Variants in MDGA2 observed in about 807,000 individuals in gnomAD.
The protein encoded by MDGA2 is MAM domain containing glycosylphosphatidylinositol anchor 2, also known as MAM domain-containing glycosylphosphatidylinositol anchor protein 2.
MDGA2 carries 40 observed loss-of-function variants against 117.8 expected under a neutral mutation model. The observed-to-expected ratio is 0.34, with a 90% confidence interval of 0.26 to 0.44. The LOEUF is 0.44. Ranked by LOEUF, MDGA2 falls within the 20% of genes least tolerant of loss-of-function variation. The pLI is 1.00. For synonymous variants in MDGA2, 452 were observed against 439.0 expected, an observed-to-expected ratio of 1.03 and a Z score of -0.37; for missense variants, 1,123 against 1,250.6, an observed-to-expected ratio of 0.90 and a Z score of 1.54.
intron 7 of MDGA2, among the ~76,000 whole-genome samples, chr14:47,053,839 A>G (rs111759556): frequency 8.2e-4 from 124 of 151,920 alleles, no homozygotes; most frequent in African/African-American, 3.0e-3. Context: ...TTCTCTCTGC[A>G]GTTCAGTAGC....
At chr14:47,349,537 A>G (rs1307063863) in intron 1 of MDGA2, among the ~76,000 whole-genome samples, 1 of 152,226 alleles carries the variant, frequency 6.6e-6, no homozygotes, top group African/African-American at 2.4e-5. Flanking sequence ...TTTCAAAGCA[A>G]CTATACTATC....
At chr14:47,302,297 C>A (rs937799512) in intron 1 of MDGA2, among the ~76,000 whole-genome samples, 1 of 152,168 alleles carries the variant, frequency 6.6e-6, no homozygotes, top group Non-Finnish European at 1.5e-5. Flanking sequence ...TACATGGAAA[C>A]TTTCTGTGAG....
chr14:46,888,055 T>C (rs1882737485), intron 10 of MDGA2, among the ~76,000 whole-genome samples: 5 of 151,916 alleles, frequency 3.3e-5, no homozygotes, highest in Admixed American at 3.3e-4. Context: ...TTGATGTTGT[T>C]ACTTATTACA....
chr14:47,195,295 A>G (rs1885249425), intron 3 of MDGA2, among the ~76,000 whole-genome samples: 2 of 152,192 alleles, frequency 1.3e-5, no homozygotes, highest in East Asian at 1.9e-4. Context: ...CAACAAAATT[A>G]TTAATAATAT....
intron 6 of MDGA2, among the ~76,000 whole-genome samples, chr14:47,062,013 C>T (rs1178694138): frequency 6.6e-6 from 1 of 151,938 alleles, no homozygotes; most frequent in East Asian, 1.9e-4. Context: ...CCAAACAACT[C>T]AAATATTACA....
chr14:47,665,686 G>GA (rs1897934672), intron 1 of MDGA2, among the ~76,000 whole-genome samples: 1 of 143,806 alleles, frequency 7.0e-6, no homozygotes, highest in Non-Finnish European at 1.6e-5. Context: ...CAGCAGCTGT[G>GA]GAGGGTGTGC....
chr14:46,946,465 T>C (rs1885175285), intron 9 of MDGA2, among the ~76,000 whole-genome samples: 2 of 152,092 alleles, frequency 1.3e-5, no homozygotes, highest in African/African-American at 2.4e-5. Context: ...TGAACTGATA[T>C]TGCACTTGAG....
At chr14:47,304,907 T>C (rs1889393933) in intron 1 of MDGA2, among the ~76,000 whole-genome samples, 1 of 152,196 alleles carries the variant, frequency 6.6e-6, no homozygotes, top group African/African-American at 2.4e-5. Context: ...CCCATGTTCC[T>C]GATACCTTCT....
intron 3 of MDGA2, among the ~76,000 whole-genome samples, chr14:47,179,443 G>T (rs1017504171): frequency 1.3e-5 from 2 of 151,412 alleles, no homozygotes; most frequent in African/African-American, 2.4e-5. Context: ...TTGTATTATT[G>T]CAAGTAAACT....
chr14:47,308,099 T>G (rs941634200), intron 1 of MDGA2, among the ~76,000 whole-genome samples: 22 of 152,218 alleles, frequency 1.4e-4, no homozygotes, highest in African/African-American at 5.1e-4. Context: ...GGTCATTGCC[T>G]TTGGGAATTA....
rs185479152 is a variant in MDGA2, at chr14:46,938,336, C to A, written c.2090-18176G>T. 1.2e-3 allele frequency among the ~76,000 whole-genome samples: 180 copies of A among 151,586 alleles called. 2 individuals are homozygous for A. Among genetic ancestry groups the A allele is most frequent in the African/African-American group, 4.2e-3 (173 of 41,368 alleles). On this transcript the variant is annotated intron_variant, in intron 9 of 16. Coordinates refer to ENST00000399232, the MANE Select transcript of MDGA2 (RefSeq NM_001113498.3). ...GGTGGATCACCTGAGGTCAGGAGTTCAAGACCAGCCTGACCAACATGGTAA... is the reference window on the plus strand; with the variant it reads ...GGTGGATCACCTGAGGTCAGGAGTTAAAGACCAGCCTGACCAACATGGTAA...
chr14:46,993,458 T>TGG (rs5808371), intron 8 of MDGA2, among the ~76,000 whole-genome samples: 2 of 149,104 alleles, frequency 1.3e-5, no homozygotes, highest in African/African-American at 2.4e-5. Flanking sequence ...TCTATTTTTT[T>TGG]GGGGGGGACT....
At chr14:47,539,380 T>G (rs904996002) in intron 1 of MDGA2, among the ~76,000 whole-genome samples, 2 of 152,154 alleles carry the variant, frequency 1.3e-5, no homozygotes, top group African/African-American at 4.8e-5. Context: ...TGCCCTCTAC[T>G]GACAAAGCTT....
At chr14:46,996,433 A>G (rs1887294569) in intron 8 of MDGA2, 1 of 152,174 alleles carries the variant, frequency 6.6e-6, no homozygotes, top group Admixed American at 6.6e-5. Context: ...TACTCCAGCT[A>G]TGGAAGAGCC....
chr14:46,971,124 A>G (rs1886244939), intron 8 of MDGA2, among the ~76,000 whole-genome samples: 1 of 152,186 alleles, frequency 6.6e-6, no homozygotes, highest in African/African-American at 2.4e-5. Context: ...GGGCAAGTAA[A>G]TTAGTATACC....
intron 6 of MDGA2, 94 bp from the exon 7 acceptor site, chr14:47,061,672 T>A: frequency 9.9e-7 from 1 of 1,013,982 alleles, no homozygotes; most frequent in Non-Finnish European, 1.4e-6. Flanking sequence ...TGAAATAAAG[T>A]AAAACCAAAT....
At chr14:46,842,378 AT>A (rs760429659) in intron 16 of MDGA2, among the ~76,000 whole-genome samples, 1 of 152,130 alleles carries the variant, frequency 6.6e-6, no homozygotes, top group East Asian at 1.9e-4. Context: ...CAAAAAGTAG[AT>A]TTTTTTTCAA....
At chr14:46,935,113 G>C (rs1266192688) in intron 9 of MDGA2, among the ~76,000 whole-genome samples, 1 of 151,996 alleles carries the variant, frequency 6.6e-6, no homozygotes, top group South Asian at 2.1e-4. Flanking sequence ...TATGTGAATT[G>C]GTGGCATGGA....
At chr14:47,316,825 A>G (rs951378160) in intron 1 of MDGA2, among the ~76,000 whole-genome samples, 4 of 152,272 alleles carry the variant, frequency 2.6e-5, no homozygotes, top group South Asian at 4.1e-4. Flanking sequence ...TGAAATTTCA[A>G]TACCTAAAAT....
Sources: allele counts gnomAD v4.1 joint callset (sites outside exome capture counted in the v4.1 genomes callset), GRCh38; gene constraint gnomAD v4.1.1; transcripts MANE v1.5; gene names NCBI Gene and HGNC (gene_info 2026-07-23, HGNC 2026-07-21).